The following NEK1 variants were observed in gnomAD, a reference collection of about 807,000 sequenced individuals.
NEK1 encodes NIMA related kinase 1.
A neutral mutation model predicts 182.1 loss-of-function variants in NEK1; 137 were observed. The ratio of observed to expected loss-of-function variants is 0.75; its 90% CI spans 0.65 to 0.87. NEK1 has a LOEUF of 0.87. Ranked by LOEUF, NEK1 falls within the 40% of genes least tolerant of loss-of-function variation. The probability of loss-of-function intolerance (pLI) is 0.00; values close to 1 mark genes in which losing one functional copy is unlikely to be tolerated. For missense variants in NEK1, 1,391 were observed against 1,494.4 expected, an observed-to-expected ratio of 0.93 and a Z score of 1.14; for synonymous variants, 513 against 492.2, an observed-to-expected ratio of 1.04 and a Z score of -0.56.
At chr4:169,538,826 C>A (rs1758914563) in intron 18 of NEK1, among the ~76,000 whole-genome samples, 1 of 152,092 alleles carries the variant, frequency 6.6e-6, no homozygotes, top group African/African-American at 2.4e-5. Context: ...TGAAATAAAT[C>A]TCAGTCTCCT....
chr4:169,404,587 T>C (rs906225212), intron 32 of NEK1, among the ~76,000 whole-genome samples: 1 of 152,090 alleles, frequency 6.6e-6, no homozygotes. Flanking sequence ...AATTACAAAA[T>C]AAATTATAAA....
intron 26 of NEK1, among the ~76,000 whole-genome samples, chr4:169,475,305 T>G (rs1275332615): frequency 1.3e-5 from 2 of 152,164 alleles, no homozygotes; most frequent in Non-Finnish European, 2.9e-5. Flanking sequence ...TAGTGTCTAT[T>G]CCTACCAGCC....
chr4:169,548,533 C>T (rs1198895024), intron 18 of NEK1, among the ~76,000 whole-genome samples: 1 of 152,248 alleles, frequency 6.6e-6, no homozygotes, highest in Non-Finnish European at 1.5e-5. Flanking sequence ...AGCTGCCAAG[C>T]AGGGATGTTT....
chr4:169,404,276 G>T (rs1732202736), intron 32 of NEK1, among the ~76,000 whole-genome samples: 1 of 152,000 alleles, frequency 6.6e-6, no homozygotes, highest in South Asian at 2.1e-4. Context: ...TCAAGTAGAA[G>T]AAACAAAAGT....
intron 23 of NEK1, among the ~76,000 whole-genome samples, chr4:169,490,567 T>C (rs973454509): frequency 1.3e-5 from 2 of 151,956 alleles, no homozygotes; most frequent in African/African-American, 4.8e-5. Flanking sequence ...GATAGACAAT[T>C]CAATGAAATC....
At chr4:169,586,269 A>G (rs1767523000) in intron 9 of NEK1, among the ~76,000 whole-genome samples, 1 of 152,094 alleles carries the variant, frequency 6.6e-6, no homozygotes, top group African/African-American at 2.4e-5. Flanking sequence ...CTTAATATAC[A>G]TATTAATAAA....
intron 24 of NEK1, chr4:169,478,292 T>A (rs1268851251): frequency 1.3e-5 from 2 of 152,008 alleles, no homozygotes; most frequent in Non-Finnish European, 2.9e-5. Flanking sequence ...TAAAAAAAAT[T>A]AAAAATTTGG....
intron 26 of NEK1, among the ~76,000 whole-genome samples, chr4:169,476,843 A>G (rs1747039667): frequency 6.6e-6 from 1 of 152,108 alleles, no homozygotes; most frequent in Admixed American, 6.6e-5. Context: ...ACAGAGTTAA[A>G]GTAATGCAAT....
chr4:169,507,668 A>G, intron 22 of NEK1, 47 bp downstream of exon 22: 1 of 1,395,078 alleles, frequency 7.2e-7, no homozygotes, highest in African/African-American at 1.4e-5. Flanking sequence ...TTGCTATCTC[A>G]GCTTTCAATT....
At position 169,401,797 on chromosome 4, in the gene NEK1, C is replaced by T. The variant is rs747614836; in HGVS notation, c.3438G>A (p.Arg1146=). The T allele has an allele frequency of 4.6e-5, 74 of 1,613,666 alleles. No individual in the cohort carries two copies. The highest frequency in any genetic ancestry group is 5.8e-5 in the Non-Finnish European group (69 of 1,179,800). The change falls in exon 33 of 36, where the codon AGG becomes AGA. Residue 1146 remains arginine, a synonymous_variant. Coordinates refer to ENST00000507142, the MANE Select transcript of NEK1 (RefSeq NM_001199397.3). ...ELQASMEQLL[R]EQPGEEYSEE... ...CACTGTATTCTTCACCAGGTTGTTCCCTAAGTAACTGTTCCATCGAGGCCT... is the reference window on the plus strand; with the variant it reads ...CACTGTATTCTTCACCAGGTTGTTCTCTAAGTAACTGTTCCATCGAGGCCT...
intron 19 of NEK1, among the ~76,000 whole-genome samples, chr4:169,510,541 C>A (rs1754010686): frequency 6.6e-6 from 1 of 152,118 alleles, no homozygotes; most frequent in Non-Finnish European, 1.5e-5. Context: ...TCTTAAATTG[C>A]TAAATGAGTT....
In NEK1 at chr4:169,438,249, G is replaced by A. The variant is rs188152436; in HGVS notation, c.2598C>T (p.Pro866=). The change falls in exon 28 of 36, where the codon CCC becomes CCT. Residue 866 remains proline (P), a synonymous_variant. Transcript: ENST00000507142. ...TTAAGGGTTTGTACTTTTCCCCTTC[G>A]GGAGAAATCTCTGTGAAAACAAAAA... ...ENTTIRSEIS[P]EGEKYKPLIT... The A allele has an allele frequency of 8.9e-5, 136 of 1,531,136 alleles. 1 individual carries two copies. Among genetic ancestry groups the A allele is most frequent in the African/African-American group, 6.9e-5 (5 of 72,442 alleles). 94.8% of individuals were successfully genotyped at this position (1,531,136 alleles called of 1,614,324 possible). A position where few individuals can be genotyped will look rare whatever the true frequency, so the allele number is the denominator to read the frequency against.
chr4:169,573,658 G>GT (rs139545937), intron 12 of NEK1, among the ~76,000 whole-genome samples: 13,471 of 152,180 alleles, frequency 0.089, 769 homozygotes, highest in African/African-American at 0.16. Flanking sequence ...AAGTTATTAG[G>GT]ATTCATGGAT....
chr4:169,585,935 T>C (rs1767457054), intron 9 of NEK1, among the ~76,000 whole-genome samples: 1 of 152,106 alleles, frequency 6.6e-6, no homozygotes, highest in African/African-American at 2.4e-5. Context: ...TCTGTTGTAA[T>C]GACTAGAACA....
At chr4:169,561,432 A>C in intron 16 of NEK1, 48 bp downstream of exon 16, 1 of 1,494,918 alleles carries the variant, frequency 6.7e-7, no homozygotes, top group Non-Finnish European at 9.3e-7. Context: ...ACAAGGTGGA[A>C]CTGGAGGGGA....
chr4:169,525,350 G>T (rs1462654063), intron 19 of NEK1, among the ~76,000 whole-genome samples: 1 of 151,950 alleles, frequency 6.6e-6, no homozygotes, highest in Admixed American at 6.6e-5. Context: ...GGCGGGTCTC[G>T]AACTCCTGAC....
At chr4:169,479,576 T>C (rs1035692516) in intron 23 of NEK1, 42 bp from the exon 24 acceptor site, 34 of 1,490,922 alleles carry the variant, frequency 2.3e-5, no homozygotes, top group Non-Finnish European at 3.1e-5. Flanking sequence ...GGATTTTATA[T>C]TTGTATGAAG....
At chr4:169,506,076 A>G (rs1753202398) in intron 23 of NEK1, among the ~76,000 whole-genome samples, 1 of 151,734 alleles carries the variant, frequency 6.6e-6, no homozygotes. Flanking sequence ...AAATTACAAT[A>G]TGATTGAAAA....
At chr4:169,497,539 C>T (rs1190914434) in intron 23 of NEK1, among the ~76,000 whole-genome samples, 3 of 152,156 alleles carry the variant, frequency 2.0e-5, no homozygotes, top group Non-Finnish European at 4.4e-5. Context: ...CTTGTGGGCA[C>T]TTAGTGCTAT....
Sources: allele counts gnomAD v4.1 joint callset (sites outside exome capture counted in the v4.1 genomes callset), GRCh38; gene constraint gnomAD v4.1.1; transcripts MANE v1.5; gene names NCBI Gene and HGNC (gene_info 2026-07-23, HGNC 2026-07-21).